Variants in ZBBX observed in about 807,000 individuals in gnomAD.
ZBBX encodes zinc finger B-box domain containing.
ZBBX carries 101 observed loss-of-function variants against 108.5 expected under a neutral mutation model. The ratio of observed to expected loss-of-function variants is 0.93; its 90% CI spans 0.79 to 1.10. The LOEUF (loss-of-function observed/expected upper bound fraction) is 1.10. Ranked by LOEUF, ZBBX falls within the 50% of genes least tolerant of loss-of-function variation. The pLI, the probability that ZBBX is intolerant of heterozygous loss-of-function variation, is 0.00. For synonymous variants in ZBBX, 356 were observed against 323.4 expected (o/e 1.10, Z -1.08); for missense variants, 1,009 against 941.4 (o/e 1.07, Z -0.94).
intron 2 of ZBBX, among the ~76,000 whole-genome samples, chr3:167,379,206 A>T (rs1388104633): frequency 1.3e-5 from 2 of 152,216 alleles, no homozygotes; most frequent in African/African-American, 4.8e-5. Flanking sequence ...TGAGCAATCA[A>T]CAAATATACA....
intron 2 of ZBBX, among the ~76,000 whole-genome samples, chr3:167,374,737 G>T (rs577490694): frequency 6.6e-6 from 1 of 152,092 alleles, no homozygotes; most frequent in Non-Finnish European, 1.5e-5. Context: ...ATAAAACAAG[G>T]TAAAAATTAT....
the ZBBX span, among the ~76,000 whole-genome samples, chr3:167,185,052 A>C: frequency 6.6e-6 from 1 of 152,304 alleles, no homozygotes; most frequent in African/African-American, 2.4e-5. Context: ...AAAATGGAAA[A>C]CAAATACCCT....
chr3:167,273,085 C>T (rs1469438048), intron 20 of ZBBX, among the ~76,000 whole-genome samples: 1 of 152,202 alleles, frequency 6.6e-6, no homozygotes, highest in South Asian at 2.1e-4. Flanking sequence ...ATTAATCCTT[C>T]ATTCTCTTCA....
At chr3:167,189,329 G>A in the ZBBX span, among the ~76,000 whole-genome samples, 10 of 152,110 alleles carry the variant, frequency 6.6e-5, no homozygotes, top group Admixed American at 6.5e-5. Flanking sequence ...GGCATCTGGA[G>A]ACTCTTTCTT....
At chr3:167,314,746 T>C (rs1039574467) in intron 15 of ZBBX, among the ~76,000 whole-genome samples, 2 of 152,312 alleles carry the variant, frequency 1.3e-5, no homozygotes, top group Middle Eastern at 3.4e-3. Context: ...TGTAGTTCTA[T>C]GGGCACCTCC....
intron 17 of ZBBX, among the ~76,000 whole-genome samples, chr3:167,300,264 A>G (rs1384659012): frequency 1.3e-5 from 2 of 152,114 alleles, no homozygotes; most frequent in Non-Finnish European, 2.9e-5. Flanking sequence ...AAAACTTCAA[A>G]TCTCTCAATC....
At chr3:167,220,726 T>C in the ZBBX span, among the ~76,000 whole-genome samples, 2 of 151,874 alleles carry the variant, frequency 1.3e-5, no homozygotes, top group Admixed American at 1.3e-4. Context: ...AAGTCCTAGC[T>C]AGAGCAATTA....
chr3:167,245,201 C>T (rs1193398434), intron 20 of ZBBX, among the ~76,000 whole-genome samples: 4 of 152,078 alleles, frequency 2.6e-5, no homozygotes, highest in Non-Finnish European at 4.4e-5. Flanking sequence ...ATCACGAGGT[C>T]AGGAGATCAA....
chr3:167,317,545 G>T lies in ZBBX; in HGVS notation c.1036C>A (p.His346Asn). The change falls in exon 13 of 22, where the codon CAT becomes AAT. Residue 346 changes from histidine (H) to asparagine (N), a missense_variant. By Grantham distance (68) the His-to-Asn change is moderately conservative (BLOSUM62 1). Coordinates refer to ENST00000675490, the MANE Select transcript of ZBBX (RefSeq NM_001199201.2). ...KMLPDTFPHP[H>N]ETTGDAQCSQ... ...CACTGTGCATCACCAGTGGTTTCAT[G>T]TGGATGTGGGAACGTATCTGGTAGC... is the stretch of plus-strand genomic sequence containing the variant. The T allele has an allele frequency of 6.2e-7, 1 of 1,611,166 alleles. No individual in the cohort carries two copies.
intron 1 of ZBBX, chr3:167,392,704 A>G (rs1423071480): frequency 6.6e-6 from 1 of 151,828 alleles, no homozygotes; most frequent in East Asian, 1.9e-4. Flanking sequence ...TCTAAAACTC[A>G]TGGTTTCTAT....
At chr3:167,368,997 T>A (rs1163126353) in intron 4 of ZBBX, among the ~76,000 whole-genome samples, 1 of 152,194 alleles carries the variant, frequency 6.6e-6, no homozygotes, top group East Asian at 1.9e-4. Flanking sequence ...TTTGCTGAAC[T>A]GGTCACCTCC....
chr3:167,244,917 C>A (rs1721290924), intron 20 of ZBBX, among the ~76,000 whole-genome samples: 1 of 152,218 alleles, frequency 6.6e-6, no homozygotes, highest in Admixed American at 6.5e-5. Flanking sequence ...AGGTGCATTT[C>A]TAAAACTGAA....
intron 20 of ZBBX, among the ~76,000 whole-genome samples, chr3:167,277,598 G>A (rs1052483477): frequency 3.9e-5 from 6 of 152,106 alleles, no homozygotes; most frequent in African/African-American, 1.4e-4. Context: ...GATTCATAAA[G>A]CAAGTCCTGA....
At chr3:167,243,195 G>T (rs1014807173) in intron 20 of ZBBX, among the ~76,000 whole-genome samples, 1 of 152,134 alleles carries the variant, frequency 6.6e-6, no homozygotes, top group Non-Finnish European at 1.5e-5. Flanking sequence ...GACAAATACT[G>T]CAAGTTAAAC....
chr3:167,405,213 A>G (rs147150022), intron 1 of ZBBX, among the ~76,000 whole-genome samples: 1 of 152,326 alleles, frequency 6.6e-6, no homozygotes, highest in Non-Finnish European at 1.5e-5. Context: ...TGACATCAGG[A>G]AAGAGGTCAG....
downstream of ZBBX, among the ~76,000 whole-genome samples, chr3:167,235,362 A>T (rs1477988233): frequency 2.0e-5 from 3 of 151,802 alleles, no homozygotes; most frequent in Admixed American, 1.3e-4. Flanking sequence ...CTATGTAAAA[A>T]AATGTGAAAT....
intron 11 of ZBBX, among the ~76,000 whole-genome samples, chr3:167,323,243 G>A (rs373197310): frequency 1.0e-4 from 15 of 144,716 alleles, no homozygotes; most frequent in African/African-American, 2.5e-4. Flanking sequence ...AAAAGAGGGG[G>A]GGGGGGGAAA....
chr3:167,351,960 T>C (rs1398494870), intron 8 of ZBBX, among the ~76,000 whole-genome samples: 1 of 152,116 alleles, frequency 6.6e-6, no homozygotes, highest in East Asian at 1.9e-4. Flanking sequence ...AACATAGCCA[T>C]CGCTGACCCA....
chr3:167,245,819 CT>C (rs57014445), intron 20 of ZBBX, among the ~76,000 whole-genome samples: 7,754 of 150,396 alleles, frequency 0.052, 249 homozygotes, highest in African/African-American at 0.089. Context: ...AATTAAACTT[CT>C]TTTTTTTTTA....
Sources: gnomAD v4.1 joint callset for allele counts (sites outside exome capture counted in the v4.1 genomes callset) on GRCh38, gnomAD v4.1.1 for gene constraint, MANE v1.5 for transcripts, NCBI Gene and HGNC (gene_info 2026-07-23, HGNC 2026-07-21) for gene names.